CDKN1B: variants seen among roughly 807,000 people sequenced by gnomAD.
CDKN1B encodes the protein cyclin-dependent kinase inhibitor 1B.
Under a neutral mutation model 17.1 loss-of-function variants are expected in CDKN1B, and 7 were observed. The observed-to-expected ratio is 0.41, with a 90% CI of 0.23 to 0.77. CDKN1B has a LOEUF of 0.77. CDKN1B is among the 30% of genes least tolerant of loss of function. The pLI is 0.33. For synonymous variants in CDKN1B, 149 were observed against 104.3 expected (o/e 1.43, Z -2.61); for missense variants, 337 against 262.0 (o/e 1.29, Z -1.98).
In CDKN1B at chr12:12,717,471, C is replaced by G; in HGVS notation, c.-369C>G. ...CCCCTCCCCTGTCCCCGCTTGCTCACGGCTCTGCGACTCCGACGCCGGCAA... is the reference window on the plus strand; with the variant it reads ...CCCCTCCCCTGTCCCCGCTTGCTCAGGGCTCTGCGACTCCGACGCCGGCAA... On this transcript the variant is annotated 5_prime_UTR_variant, in exon 1 of 3. Transcript: ENST00000228872. 3 of 1,331,562 alleles carry G rather than the reference C, an allele frequency of 2.3e-6. No homozygotes were observed. Among genetic ancestry groups the G allele is most frequent in the Non-Finnish European group, 2.9e-6 (3 of 1,037,164 alleles). 82.5% of individuals were successfully genotyped at this position (1,331,562 alleles called of 1,614,324 possible).
At chr12:12,718,991 G>A (rs1246875999) in intron 2 of CDKN1B, 37 bp downstream of exon 2, 4 of 1,611,178 alleles carry the variant, frequency 2.5e-6, no homozygotes, top group East Asian at 2.2e-5. Context: ...ACTGGAACCC[G>A]GGGCCTTCAG....
At position 12,717,764 on chromosome 12, in the gene CDKN1B, G is replaced by A. The variant is rs1312128096; in HGVS notation, c.-76G>A. 1.2e-6 allele frequency: 2 copies of A among 1,602,684 alleles called. No individual in the cohort carries two copies. The highest frequency in any genetic ancestry group is 4.5e-5 in the East Asian group (2 of 44,846). On this transcript the variant is annotated 5_prime_UTR_variant, in exon 1 of 3. Transcript: ENST00000228872. Reference sequence around the variant, plus strand: ...GGCTTCCGAGAGGGGTTCGGGCTGCGTAGGGGCGCTTTGTTTTGTTCGGTT... The same window carrying A: ...GGCTTCCGAGAGGGGTTCGGGCTGCATAGGGGCGCTTTGTTTTGTTCGGTT...
Position 12,721,389 on chromosome 12 carries a change from C to T in CDKN1B, c.*362C>T, listed in dbSNP as rs1592282803. On this transcript the variant is annotated 3_prime_UTR_variant, in exon 3 of 3. Coordinates refer to ENST00000228872, the MANE Select transcript of CDKN1B (RefSeq NM_004064.5). ...GGTATGAAGAGCTTGCTTTGATTTA[C>T]AGCAAGTAGATAAATATTTGACTTG... The T allele has an allele frequency of 2.4e-6, 1 of 409,922 alleles. No homozygotes were observed. The highest frequency in any genetic ancestry group is 4.4e-6 in the Non-Finnish European group (1 of 228,624). The allele number at this position is 409,922 out of a possible 1,614,324, so 25.4% of individuals were successfully genotyped here.
chr12:12,718,717 T>G (rs2136357089), intron 1 of CDKN1B, 108 bp from the exon 2 acceptor site: 1 of 1,239,836 alleles, frequency 8.1e-7, no homozygotes, highest in Non-Finnish European at 1.2e-6. Context: ...GGATTGTGGG[T>G]GGAGGTAGTG....
chr12:12,719,775 A>T (rs1946523730), intron 2 of CDKN1B, among the ~76,000 whole-genome samples: 1 of 152,216 alleles, frequency 6.6e-6, no homozygotes, highest in Admixed American at 6.5e-5. Flanking sequence ...AGCACAAAGG[A>T]AGTGGAGATT....
Position 12,717,780 on chromosome 12 carries a change from T to C in CDKN1B, c.-60T>C. On this transcript the variant is annotated 5_prime_UTR_variant, in exon 1 of 3. Coordinates refer to ENST00000228872, the MANE Select transcript of CDKN1B (RefSeq NM_004064.5). ...TCGGGCTGCGTAGGGGCGCTTTGTT[T>C]TGTTCGGTTTTGTTTTTTTGAGAGT... The C allele has an allele frequency of 1.2e-6, 2 of 1,606,844 alleles. No homozygotes were observed. Among genetic ancestry groups the C allele is most frequent in the Non-Finnish European group, 8.5e-7 (1 of 1,179,524 alleles).
At position 12,717,416 on chromosome 12, in the gene CDKN1B, G is replaced by A. The variant is rs1477341001; in HGVS notation, c.-424G>A. The A allele has an allele frequency of 8.2e-7, 1 of 1,212,306 alleles. No individual in the cohort carries two copies. The highest frequency in any genetic ancestry group is 1.5e-5 in the African/African-American group (1 of 64,632). The allele number at this position is 1,212,306 out of a possible 1,614,324, so 75.1% of individuals were successfully genotyped here. On this transcript the variant is annotated 5_prime_UTR_variant, in exon 1 of 3. Coordinates refer to ENST00000228872, the MANE Select transcript of CDKN1B (RefSeq NM_004064.5). Reference sequence around the variant, plus strand: ...CCGCCATATTGGGCCACTAAAAAAAGGGGGCTCGTCTTTTCGGGGTGTTTT... The same window carrying A: ...CCGCCATATTGGGCCACTAAAAAAAAGGGGCTCGTCTTTTCGGGGTGTTTT...
Position 12,717,671 on chromosome 12 carries a change from G to T in CDKN1B, c.-169G>T. ...GGGCCGGGGCTTCCCCGCAGCCCCT[G>T]CGCGCTCCTAGAGCTCGGGCCGTGG... On this transcript the variant is annotated 5_prime_UTR_variant, in exon 1 of 3. Coordinates refer to ENST00000228872, the MANE Select transcript of CDKN1B (RefSeq NM_004064.5). The T allele has an allele frequency of 6.6e-7, 1 of 1,505,632 alleles. No individual in the cohort carries two copies. The highest frequency in any genetic ancestry group is 1.2e-5 in the South Asian group (1 of 80,266). The allele number at this position is 1,505,632 out of a possible 1,614,324, so 93.3% of individuals were successfully genotyped here.
intron 2 of CDKN1B, among the ~76,000 whole-genome samples, chr12:12,719,881 A>G (rs1445859822): frequency 2.6e-5 from 4 of 152,232 alleles, no homozygotes; most frequent in African/African-American, 9.7e-5. Context: ...AATAAACTAC[A>G]TATTTTAATA....
In CDKN1B at chr12:12,717,459, C is replaced by T. The variant is rs1946476340; in HGVS notation, c.-381C>T. The T allele has an allele frequency of 2.3e-6, 3 of 1,312,800 alleles. No homozygotes were observed. The highest frequency in any genetic ancestry group is 2.9e-6 in the Non-Finnish European group (3 of 1,026,824). The allele number at this position is 1,312,800 out of a possible 1,614,324, so 81.3% of individuals were successfully genotyped here. ...GGTGTTTTTCTCCCCCTCCCCTGTC[C>T]CCGCTTGCTCACGGCTCTGCGACTC... is the stretch of plus-strand genomic sequence containing the variant. On this transcript the variant is annotated 5_prime_UTR_variant, in exon 1 of 3. Coordinates refer to ENST00000228872, the MANE Select transcript of CDKN1B (RefSeq NM_004064.5).
Position 12,718,943 on chromosome 12 carries a change from G to A in CDKN1B, c.594G>A (p.Thr198=), listed in dbSNP as rs759798627. 3 of 1,613,994 alleles carry A rather than the reference G, an allele frequency of 1.9e-6. No homozygotes were observed. Among genetic ancestry groups the A allele is most frequent in the East Asian group, 2.2e-5 (1 of 44,886 alleles). The part of the protein sequence containing the change: ...PKKPGLRRRQ[T] ...AGCCTGGCCTCAGAAGACGTCAAAC[G>A]TAAACAGCTCGGTGGGTTGATCACT... The change falls in exon 2 of 3, where the codon ACG becomes ACA. Residue 198 remains threonine, a synonymous_variant. Coordinates refer to ENST00000228872, the MANE Select transcript of CDKN1B (RefSeq NM_004064.5).
Position 12,717,714 on chromosome 12 carries a change from C to G in CDKN1B, c.-126C>G. ...GGCCGTGGCTCGTCGGGGTCTGTGT[C>G]TTTTGGCTCCGAGGGCAGTCGCTGG... On this transcript the variant is annotated 5_prime_UTR_variant, in exon 1 of 3. Transcript: ENST00000228872. The G allele has an allele frequency of 6.4e-7, 1 of 1,559,008 alleles. No individual in the cohort carries two copies.
rs1346164791 is a variant in CDKN1B, at chr12:12,719,224, G to C, written c.*8+270G>C. The C allele has an allele frequency of 1.8e-5, 8 of 445,808 alleles. No homozygotes were observed. The East Asian group carries it at 3.7e-4, about 21-fold the overall frequency. 27.6% of individuals were successfully genotyped at this position (445,808 alleles called of 1,614,324 possible). ...GGGTAGGAAGGTCGTTTCCCTGTGA[G>C]TCCCACTAAAACGTGTTGGGAGCAA... On this transcript the variant is annotated intron_variant, in intron 2 of 2. Transcript: ENST00000228872.
chr12:12,720,533 A>T (rs1946531887), intron 2 of CDKN1B, among the ~76,000 whole-genome samples: 1 of 152,146 alleles, frequency 6.6e-6, no homozygotes, highest in African/African-American at 2.4e-5. Context: ...AAATTTAGAA[A>T]ATTTTTACCC....
Position 12,721,362 on chromosome 12 carries a change from G to C in CDKN1B, c.*335G>C, listed in dbSNP as rs192945515. The C allele has an allele frequency of 4.6e-6, 2 of 438,046 alleles. No homozygotes were observed. The highest frequency in any genetic ancestry group is 3.5e-5 in the East Asian group (1 of 28,824). 27.1% of individuals were successfully genotyped at this position (438,046 alleles called of 1,614,324 possible). A position where few individuals can be genotyped will look rare whatever the true frequency, so the allele number is the denominator to read the frequency against. On this transcript the variant is annotated 3_prime_UTR_variant, in exon 3 of 3. Coordinates refer to ENST00000228872, the MANE Select transcript of CDKN1B (RefSeq NM_004064.5). ...TGGGGCTGAGGAACTGACGTGGAGCGGGGTATGAAGAGCTTGCTTTGATTT... is the reference window on the plus strand; with the variant it reads ...TGGGGCTGAGGAACTGACGTGGAGCCGGGTATGAAGAGCTTGCTTTGATTT...
intron 2 of CDKN1B, 174 bp downstream of exon 2, chr12:12,719,128 G>A (rs1051639678): frequency 1.4e-6 from 1 of 715,942 alleles, no homozygotes; most frequent in Non-Finnish European, 2.3e-6. Context: ...ATTCCTCAGA[G>A]TTTCTATGCC....
At position 12,717,494 on chromosome 12, in the gene CDKN1B, C is replaced by T; in HGVS notation, c.-346C>T. 1 of 1,348,770 alleles carries T rather than the reference C, an allele frequency of 7.4e-7. No individual in the cohort carries two copies. Among genetic ancestry groups the T allele is most frequent in the Non-Finnish European group, 9.5e-7 (1 of 1,047,808 alleles). The allele number at this position is 1,348,770 out of a possible 1,614,324, so 83.6% of individuals were successfully genotyped here. The stretch of plus-strand genomic sequence containing the variant: ...CACGGCTCTGCGACTCCGACGCCGG[C>T]AAGGTTTGGAGAGCGGCTGGGTTCG... On this transcript the variant is annotated 5_prime_UTR_variant, in exon 1 of 3. Coordinates refer to ENST00000228872, the MANE Select transcript of CDKN1B (RefSeq NM_004064.5).
chr12:12,718,410 T>C, intron 1 of CDKN1B, 96 bp downstream of exon 1: 2 of 1,152,100 alleles, frequency 1.7e-6, no homozygotes, highest in Non-Finnish European at 2.5e-6. Flanking sequence ...TATTCTGATT[T>C]AGCTTTGGGA....
Position 12,718,324 on chromosome 12 carries a change from C to T in CDKN1B, c.475+10C>T, listed in dbSNP as rs36101844. 1.7e-4 allele frequency: 269 copies of T among 1,598,358 alleles called. No homozygotes were observed. The African/African-American group carries it at 3.3e-3, about 19-fold the overall frequency. On this transcript the variant is annotated intron_variant, in intron 1 of 2. Coordinates refer to ENST00000228872, the MANE Select transcript of CDKN1B (RefSeq NM_004064.5). ...CGACCTGCAACCGACGGTAATGACC[C>T]TTTCCCAACCATAGAATGTGTTTGG...
Sources: gnomAD v4.1 joint callset for allele counts (sites outside exome capture counted in the v4.1 genomes callset) on GRCh38, gnomAD v4.1.1 for gene constraint, MANE v1.5 for transcripts, NCBI Gene and HGNC (gene_info 2026-07-23, HGNC 2026-07-21) for gene names.